ATP6V0D2: variants seen among roughly 807,000 people sequenced by gnomAD.
ATP6V0D2 encodes the protein ATPase H+ transporting V0 subunit d2, also known as V-type proton ATPase subunit d 2.
Under a neutral mutation model 40.0 loss-of-function variants are expected in ATP6V0D2, and 40 were observed. That is an observed-to-expected ratio of 1.00 (90% CI 0.78 to 1.30). The LOEUF (loss-of-function observed/expected upper bound fraction) is 1.30, where lower values mean the gene tolerates loss of function less well. ATP6V0D2 is among the 50% of genes most tolerant of loss of function. The pLI, the probability that ATP6V0D2 is intolerant of heterozygous loss-of-function variation, is 0.00. For synonymous variants in ATP6V0D2, 179 were observed against 156.3 expected (o/e 1.15, Z -1.08); for missense variants, 470 against 423.1 (o/e 1.11, Z -0.97).
intron 3 of ATP6V0D2, among the ~76,000 whole-genome samples, chr8:86,140,647 A>C (rs1267129704): frequency 6.6e-6 from 1 of 152,152 alleles, no homozygotes; most frequent in Non-Finnish European, 1.5e-5. Flanking sequence ...GCCTTAAGTG[A>C]ATAGCTCCAA....
At chr8:86,128,204 C>T (rs1209827173) in intron 2 of ATP6V0D2, among the ~76,000 whole-genome samples, 2 of 152,058 alleles carry the variant, frequency 1.3e-5, no homozygotes, top group African/African-American at 4.8e-5. Flanking sequence ...AAAAAATTAG[C>T]CGGGCATGGT....
chr8:86,101,530 G>A (rs1818399466), intron 1 of ATP6V0D2, among the ~76,000 whole-genome samples: 1 of 145,560 alleles, frequency 6.9e-6, no homozygotes, highest in Non-Finnish European at 1.5e-5. Flanking sequence ...TTTAAAAATT[G>A]TACCCTATAT....
intron 2 of ATP6V0D2, among the ~76,000 whole-genome samples, chr8:86,133,827 G>A (rs767105026): frequency 1.3e-5 from 2 of 152,032 alleles, no homozygotes; most frequent in Non-Finnish European, 2.9e-5. Context: ...TAGCCTTGGT[G>A]TCAATAGAGG....
chr8:86,141,599 AACTT>A (rs1818974576), intron 4 of ATP6V0D2, 70 bp downstream of exon 4: 1 of 1,137,404 alleles, frequency 8.8e-7, no homozygotes, highest in Admixed American at 2.4e-5. Flanking sequence ...TCTCTATTAA[AACTT>A]ACTTTACTCA....
intron 1 of ATP6V0D2, among the ~76,000 whole-genome samples, chr8:86,101,342 C>A (rs942616187): frequency 6.6e-6 from 1 of 151,272 alleles, no homozygotes; most frequent in Non-Finnish European, 1.5e-5. Flanking sequence ...TGCCTGTAGT[C>A]CCAGCTGCTT....
intron 2 of ATP6V0D2, among the ~76,000 whole-genome samples, chr8:86,127,096 TA>T (rs1563560793): frequency 6.6e-6 from 1 of 152,134 alleles, no homozygotes. Context: ...TTCCTCTATT[TA>T]AAAAAGGGAA....
intron 2 of ATP6V0D2, among the ~76,000 whole-genome samples, chr8:86,129,478 C>T (rs574993991): frequency 4.5e-4 from 68 of 151,864 alleles, no homozygotes; most frequent in Non-Finnish European, 8.7e-4. Flanking sequence ...GAGTTTGAGA[C>T]CAGCCTAGGC....
intron 2 of ATP6V0D2, among the ~76,000 whole-genome samples, chr8:86,136,893 G>A (rs750733506): frequency 3.3e-5 from 5 of 152,086 alleles, no homozygotes; most frequent in Non-Finnish European, 5.9e-5. Context: ...AAACCTCGAG[G>A]ACTAGGTTTG....
chr8:86,118,085 C>CTTTTTTTTT (rs1222811419), intron 2 of ATP6V0D2, among the ~76,000 whole-genome samples: 5 of 27,606 alleles, frequency 1.8e-4, no homozygotes, highest in African/African-American at 3.9e-4. Flanking sequence ...TTCTTTCTTT[C>CTTTTTTTTT]TTTTTTTTTT....
chr8:86,113,132 G>GTT (rs577075560), intron 1 of ATP6V0D2, among the ~76,000 whole-genome samples: 1 of 143,692 alleles, frequency 7.0e-6, no homozygotes. Context: ...TGTTTGTTAG[G>GTT]TTTTTTTTTT....
intron 3 of ATP6V0D2, among the ~76,000 whole-genome samples, chr8:86,140,174 T>C (rs1818954329): frequency 6.6e-6 from 1 of 152,184 alleles, no homozygotes; most frequent in African/African-American, 2.4e-5. Flanking sequence ...GTTAATTTCA[T>C]TATAATTTGG....
intron 5 of ATP6V0D2, among the ~76,000 whole-genome samples, chr8:86,144,876 C>A (rs1819025860): frequency 6.6e-6 from 1 of 151,836 alleles, no homozygotes; most frequent in South Asian, 2.1e-4. Context: ...CAGGTCTTGG[C>A]TGGGCATGGT....
In ATP6V0D2 at chr8:86,098,925, C is replaced by A. The variant is rs74667635; in HGVS notation, c.-54C>A. On this transcript the variant is annotated 5_prime_UTR_variant, in exon 1 of 8. Transcript: ENST00000285393. ...CCAGGCTAGTGCAAATCTTCAGGGGCCGTCCAGGACTACAGAGCTGTTTCA... is the reference window on the plus strand; with the variant it reads ...CCAGGCTAGTGCAAATCTTCAGGGGACGTCCAGGACTACAGAGCTGTTTCA... 1.3e-6 allele frequency: 2 copies of A among 1,571,314 alleles called. No individual in the cohort carries two copies. Among genetic ancestry groups the A allele is most frequent in the Admixed American group, 3.7e-5 (2 of 53,546 alleles).
At chr8:86,150,453 T>A (rs1249878133) in intron 6 of ATP6V0D2, among the ~76,000 whole-genome samples, 165 bp downstream of exon 6, 1 of 152,152 alleles carries the variant, frequency 6.6e-6, no homozygotes, top group African/African-American at 2.4e-5. Context: ...AGAAACACGT[T>A]AAGTTTCTAG....
At chr8:86,133,260 AG>A (rs1300740704) in intron 2 of ATP6V0D2, among the ~76,000 whole-genome samples, 1 of 148,710 alleles carries the variant, frequency 6.7e-6, no homozygotes, top group Non-Finnish European at 1.5e-5. Flanking sequence ...CCCCAAGGAA[AG>A]GCTGTTCTCT....
At chr8:86,135,677 C>T (rs1303361804) in intron 2 of ATP6V0D2, among the ~76,000 whole-genome samples, 1 of 152,144 alleles carries the variant, frequency 6.6e-6, no homozygotes, top group Non-Finnish European at 1.5e-5. Context: ...GTAATTTGCT[C>T]ATCACAGTTT....
intron 2 of ATP6V0D2, among the ~76,000 whole-genome samples, chr8:86,117,156 T>C (rs1451468239): frequency 1.3e-5 from 2 of 152,222 alleles, no homozygotes; most frequent in African/African-American, 2.4e-5. Flanking sequence ...TTTTATAATG[T>C]TTGTGGTTTT....
chr8:86,126,941 G>A (rs559324661), intron 2 of ATP6V0D2, among the ~76,000 whole-genome samples: 1 of 152,174 alleles, frequency 6.6e-6, no homozygotes, highest in Non-Finnish European at 1.5e-5. Context: ...CTTGGGAAAT[G>A]CAAAGTTATC....
At chr8:86,143,594 G>A (rs993571712) in intron 5 of ATP6V0D2, among the ~76,000 whole-genome samples, 3 of 152,182 alleles carry the variant, frequency 2.0e-5, no homozygotes, top group Non-Finnish European at 2.9e-5. Flanking sequence ...CAGTGAGGAC[G>A]ACCATGGTCA....
Sources: gnomAD v4.1 joint callset for allele counts (sites outside exome capture counted in the v4.1 genomes callset) on GRCh38, gnomAD v4.1.1 for gene constraint, MANE v1.5 for transcripts, NCBI Gene and HGNC (gene_info 2026-07-23, HGNC 2026-07-21) for gene names.